The following ENTHD1 variants were observed in gnomAD, a reference collection of about 807,000 sequenced individuals.
ENTHD1 encodes the protein ENTH domain-containing protein 1.
Under a neutral mutation model 39.1 loss-of-function variants are expected in ENTHD1, and 23 were observed. The observed-to-expected ratio is 0.59, with a 90% CI of 0.42 to 0.83. The LOEUF (loss-of-function observed/expected upper bound fraction) is 0.83. Ranked by LOEUF, ENTHD1 falls within the 40% of genes least tolerant of loss-of-function variation. ENTHD1 has a pLI of 0.00. For synonymous variants in ENTHD1, 230 were observed against 258.2 expected, an observed-to-expected ratio of 0.89 and a Z score of 1.05; for missense variants, 624 against 705.4, an observed-to-expected ratio of 0.88 and a Z score of 1.31.
At chr22:39,845,706 G>A (rs926272311) in intron 3 of ENTHD1, among the ~76,000 whole-genome samples, 2 of 152,050 alleles carry the variant, frequency 1.3e-5, no homozygotes, top group African/African-American at 4.8e-5. Flanking sequence ...TTTAAAAAAT[G>A]TTTCTTGGCC....
chr22:39,833,615 T>C (rs529850516), intron 4 of ENTHD1, among the ~76,000 whole-genome samples: 1 of 151,884 alleles, frequency 6.6e-6, no homozygotes, highest in Non-Finnish European at 1.5e-5. Context: ...AATAAATTAC[T>C]AAGCTGGAAG....
Position 39,790,939 on chromosome 22 carries a change from TATA to T in ENTHD1, c.833-25333_833-25331del, listed in dbSNP as rs1391370762. On this transcript the variant is annotated intron_variant, in intron 5 of 6. Transcript: ENST00000325157. The stretch of plus-strand genomic sequence containing the variant: ...TCCCTCTTCCACCACACTGTCCCTT[TATA>T]ATATTTTCAAACTGTGTGAGTGGGT... Among the ~76,000 whole-genome samples, 3 of 152,196 alleles carry T rather than the reference TATA, an allele frequency of 2.0e-5. No individual in the cohort carries two copies. In the East Asian group the frequency reaches 5.8e-4, roughly 29 times the overall value.
chr22:39,792,051 T>A (rs2065508522), intron 5 of ENTHD1, among the ~76,000 whole-genome samples: 2 of 152,220 alleles, frequency 1.3e-5, no homozygotes, highest in African/African-American at 4.8e-5. Context: ...ACCATGTTCC[T>A]GCAAAGGACA....
intron 5 of ENTHD1, among the ~76,000 whole-genome samples, chr22:39,799,749 G>A (rs565272779): frequency 6.6e-6 from 1 of 152,200 alleles, no homozygotes; most frequent in Non-Finnish European, 1.5e-5. Flanking sequence ...ATTTTTCACT[G>A]TGGGCATGTT....
chr22:39,817,672 T>C (rs2065744074), intron 5 of ENTHD1, among the ~76,000 whole-genome samples: 1 of 152,094 alleles, frequency 6.6e-6, no homozygotes, highest in East Asian at 1.9e-4. Flanking sequence ...ATTAAGAGTA[T>C]ATTCACTTAT....
chr22:39,829,353 T>C (rs2065849417), intron 4 of ENTHD1, among the ~76,000 whole-genome samples: 1 of 143,112 alleles, frequency 7.0e-6, no homozygotes, highest in African/African-American at 2.6e-5. Flanking sequence ...AAAAAAACAA[T>C]AGTAATCAGG....
chr22:39,829,072 C>T (rs186659401), intron 4 of ENTHD1, among the ~76,000 whole-genome samples: 1 of 152,242 alleles, frequency 6.6e-6, no homozygotes, highest in Admixed American at 6.5e-5. Context: ...CATTTGACAA[C>T]AACAATTAGA....
chr22:39,763,933 AC>A (rs2065255018), intron 6 of ENTHD1, among the ~76,000 whole-genome samples: 1 of 152,108 alleles, frequency 6.6e-6, no homozygotes, highest in South Asian at 2.1e-4. Context: ...ACCAGTACTA[AC>A]AGGTTTCCAC....
intron 2 of ENTHD1, chr22:39,875,982 T>C (rs1219144850): frequency 6.2e-7 from 1 of 1,613,786 alleles, no homozygotes; most frequent in Non-Finnish European, 8.5e-7. Context: ...GCAGGAGATT[T>C]TGGTGGTTAT....
At chr22:39,760,294 T>C (rs1189537173) in intron 6 of ENTHD1, among the ~76,000 whole-genome samples, 1 of 152,044 alleles carries the variant, frequency 6.6e-6, no homozygotes, top group Non-Finnish European at 1.5e-5. Flanking sequence ...TTTTGCTTCA[T>C]GTATTTTTGA....
intron 2 of ENTHD1, among the ~76,000 whole-genome samples, chr22:39,877,025 A>G (rs541954436): frequency 1.2e-4 from 18 of 152,324 alleles, no homozygotes; most frequent in East Asian, 1.2e-3. Context: ...TTGTAGGCAT[A>G]AAAGAGAGAA....
chr22:39,827,208 G>A (rs545680607), intron 4 of ENTHD1, among the ~76,000 whole-genome samples: 1 of 151,920 alleles, frequency 6.6e-6, no homozygotes, highest in South Asian at 2.1e-4. Flanking sequence ...ATAGAGACGG[G>A]GTTTCACCGT....
intron 3 of ENTHD1, among the ~76,000 whole-genome samples, chr22:39,850,073 T>C (rs573367510): frequency 6.6e-6 from 1 of 152,318 alleles, no homozygotes; most frequent in South Asian, 2.1e-4. Flanking sequence ...AAACAGATTT[T>C]TGGAAATGTA....
intron 3 of ENTHD1, among the ~76,000 whole-genome samples, chr22:39,859,191 C>A (rs1431367375): frequency 6.6e-6 from 1 of 152,192 alleles, no homozygotes; most frequent in African/African-American, 2.4e-5. Context: ...ACAGTTAGAA[C>A]CTTGCTCTGG....
rs372812256 is a variant in ENTHD1 at position 39,861,723 on chromosome 22, A to G, written c.592+42T>C. 9.4e-6 allele frequency: 13 copies of G among 1,383,638 alleles called. No individual in the cohort carries two copies. The African/African-American group carries it at 1.7e-4, about 18-fold the overall frequency. The allele number at this position is 1,383,638 out of a possible 1,614,324, so 85.7% of individuals were successfully genotyped here. A position where few individuals can be genotyped will look rare whatever the true frequency, so the allele number is the denominator to read the frequency against. On this transcript the variant is annotated intron_variant, in intron 3 of 6. Transcript: ENST00000325157. ...ATTTTATATTTTTAAATCATTTTTA[A>G]TGATACCTGTTGCATTTTAGGCCAA...
At chr22:39,864,989 A>G (rs1013510409) in intron 2 of ENTHD1, among the ~76,000 whole-genome samples, 2 of 152,224 alleles carry the variant, frequency 1.3e-5, no homozygotes, top group Non-Finnish European at 2.9e-5. Context: ...AACTGGAACC[A>G]GATTGATGAA....
intron 6 of ENTHD1, among the ~76,000 whole-genome samples, chr22:39,746,230 T>G (rs960214902): frequency 5.9e-5 from 9 of 152,200 alleles, no homozygotes; most frequent in Admixed American, 3.9e-4. Context: ...TTTACTTCAA[T>G]GTAGATTTTA....
chr22:39,852,698 C>A (rs1382816728), intron 3 of ENTHD1, among the ~76,000 whole-genome samples: 1 of 152,086 alleles, frequency 6.6e-6, no homozygotes, highest in African/African-American at 2.4e-5. Flanking sequence ...ACAATTGTAA[C>A]ACAATGGTAA....
At chr22:39,768,296 G>T (rs777603789) in intron 5 of ENTHD1, among the ~76,000 whole-genome samples, 2 of 152,070 alleles carry the variant, frequency 1.3e-5, no homozygotes, top group Non-Finnish European at 2.9e-5. Flanking sequence ...GCCCTTCATT[G>T]CTTACTTTCT....
Sources: gnomAD v4.1 joint callset for allele counts (sites outside exome capture counted in the v4.1 genomes callset) on GRCh38, gnomAD v4.1.1 for gene constraint, MANE v1.5 for transcripts, NCBI Gene and HGNC (gene_info 2026-07-23, HGNC 2026-07-21) for gene names.